Variants in OR4K1 observed in about 807,000 individuals in gnomAD.
OR4K1 encodes the protein olfactory receptor family 4 subfamily K member 1, also known as olfactory receptor 4K1.
Under a neutral mutation model 14.4 loss-of-function variants are expected in OR4K1, and 16 were observed. The ratio of observed to expected loss-of-function variants is 1.11; its 90% CI spans 0.75 to 1.68. The LOEUF (loss-of-function observed/expected upper bound fraction) is 1.68. Ranked by LOEUF, OR4K1 falls within the 40% of genes most tolerant of loss-of-function variation. OR4K1 has a pLI of 0.00. For synonymous variants in OR4K1, 181 were observed against 133.1 expected (o/e 1.36, Z -2.48); for missense variants, 548 against 376.9 (o/e 1.45, Z -3.76).
At chr14:19,924,697 A>C in the OR4K1 span, among the ~76,000 whole-genome samples, 1 of 152,232 alleles carries the variant, frequency 6.6e-6, no homozygotes, top group Non-Finnish European at 1.5e-5. Flanking sequence ...ATTACTGGTT[A>C]TATACCCAAA....
chr14:19,934,932 C>T (rs532930416), intron 1 of OR4K1, among the ~76,000 whole-genome samples: 202 of 152,288 alleles, frequency 1.3e-3, no homozygotes, highest in Non-Finnish European at 2.4e-3. Flanking sequence ...CTTGGCCTCT[C>T]AAAGTGCTGG....
upstream of OR4K1, among the ~76,000 whole-genome samples, chr14:19,929,359 CTGTG>C (rs59130422): frequency 0.088 from 12,652 of 143,478 alleles, 104 homozygotes; most frequent in Middle Eastern, 0.13. Context: ...ATATCACACT[CTGTG>C]TGTGTGTGTG....
upstream of OR4K1, among the ~76,000 whole-genome samples, chr14:19,928,260 G>A (rs1238904352): frequency 6.6e-6 from 1 of 152,104 alleles, no homozygotes; most frequent in Non-Finnish European, 1.5e-5. Context: ...AACAATTCTA[G>A]GATTTACTAT....
intron 1 of OR4K1, among the ~76,000 whole-genome samples, chr14:19,935,076 C>T (rs545527121): frequency 4.6e-5 from 7 of 152,328 alleles, no homozygotes; most frequent in African/African-American, 1.7e-4. Flanking sequence ...CCTGATCTAC[C>T]ATTCGTTAAT....
chr14:19,921,024 A>G, the OR4K1 span: 2 of 1,614,078 alleles, frequency 1.2e-6, no homozygotes, highest in East Asian at 2.2e-5. Flanking sequence ...GAGCCGAAGG[A>G]CATGCACTGT....
chr14:19,936,321 A>G lies in OR4K1; in HGVS notation c.655A>G (p.Thr219Ala). 1 of 1,614,244 alleles carries G rather than the reference A, an allele frequency of 6.2e-7. No individual in the cohort carries two copies. The highest frequency in any genetic ancestry group is 8.5e-7 in the Non-Finnish European group (1 of 1,180,044). Reference protein sequence around the residue: ...SCFLALIISYTIILIGVRCRS... With the variant: ...SCFLALIISYAIILIGVRCRS... ...TTTCCTGGCTTTAATTATTTCCTAC[A>G]CCATCATTTTGATCGGTGTCCGATG... Residue 219 changes from threonine to alanine, a missense_variant, in exon 2 of 2, where the codon ACC becomes GCC. Physicochemically the swap from Thr to Ala is moderately conservative, Grantham distance 58. Transcript: ENST00000641172.
upstream of OR4K1, among the ~76,000 whole-genome samples, chr14:19,927,217 G>A (rs2318496): frequency 0.064 from 9,682 of 151,398 alleles, 539 homozygotes; most frequent in East Asian, 0.47. Context: ...GAGTTTCTAC[G>A]GATGACTTCA....
intron 1 of OR4K1, among the ~76,000 whole-genome samples, chr14:19,934,151 T>C (rs1882250402): frequency 6.6e-6 from 1 of 152,218 alleles, no homozygotes. Context: ...CTTCAGTTAG[T>C]ATAAGGACAA....
chr14:19,922,079 A>G, the OR4K1 span, among the ~76,000 whole-genome samples: 2 of 148,232 alleles, frequency 1.3e-5, no homozygotes, highest in African/African-American at 2.5e-5. Context: ...TCCCCCCCCC[A>G]AAAATCAATT....
At chr14:19,923,753 A>T in the OR4K1 span, among the ~76,000 whole-genome samples, 1 of 152,368 alleles carries the variant, frequency 6.6e-6, no homozygotes, top group South Asian at 2.1e-4. Context: ...ATAAGTGAAG[A>T]TAGACACTAT....
At chr14:19,929,434 G>A (rs1197748831), upstream of OR4K1, among the ~76,000 whole-genome samples, 10 of 151,252 alleles carry the variant, frequency 6.6e-5, no homozygotes, top group Admixed American at 6.6e-4. Flanking sequence ...GAGAGACAGA[G>A]ACAGAGAGCA....
the OR4K1 span, chr14:19,921,345 G>A: frequency 3.7e-6 from 6 of 1,614,150 alleles, no homozygotes; most frequent in Middle Eastern, 3.3e-4. Flanking sequence ...TATTGCAGTA[G>A]TAATATTATT....
chr14:19,935,885 G>C lies in OR4K1; in HGVS notation c.219G>C (p.Gln73His). 6.2e-7 allele frequency: 1 copy of C among 1,614,246 alleles called. No individual in the cohort carries two copies. The highest frequency in any genetic ancestry group is 8.5e-7 in the Non-Finnish European group (1 of 1,180,054). The change falls in exon 2 of 2, where the codon CAG (glutamine) becomes CAC (histidine). Residue 73 changes from glutamine (Q) to histidine (H), a missense_variant. By Grantham distance (24) the Gln-to-His change is conservative. Coordinates refer to ENST00000641172, the MANE Select transcript of OR4K1 (RefSeq NM_001004063.3). The stretch of plus-strand genomic sequence containing the variant: ...ATCTTTCTTTCATTGATATCTGTCA[G>C]TCTAACTTTGCCACCCCCAAGATGC... ...LSNLSFIDIC[Q>H]SNFATPKMLV...
chr14:19,930,156 T>C (rs1000853480), upstream of OR4K1, among the ~76,000 whole-genome samples: 8 of 152,230 alleles, frequency 5.3e-5, no homozygotes, highest in African/African-American at 1.7e-4. Context: ...CTTAGGTTTT[T>C]TCCAGTATCT....
At chr14:19,930,688 C>CT (rs1316059578), upstream of OR4K1, among the ~76,000 whole-genome samples, 1 of 152,204 alleles carries the variant, frequency 6.6e-6, no homozygotes, top group East Asian at 1.9e-4. Context: ...ATCAAGTAAT[C>CT]TTTTGCTTTC....
At chr14:19,925,117 T>C in the OR4K1 span, among the ~76,000 whole-genome samples, 1 of 152,180 alleles carries the variant, frequency 6.6e-6, no homozygotes, top group Non-Finnish European at 1.5e-5. Flanking sequence ...TGCTGACAAA[T>C]TGACAGAGAA....
chr14:19,927,565 CA>C (rs1210943142), upstream of OR4K1, among the ~76,000 whole-genome samples: 3 of 152,146 alleles, frequency 2.0e-5, no homozygotes, highest in Admixed American at 1.3e-4. Context: ...TATCAGGGAC[CA>C]AAAACATGGA....
At chr14:19,922,393 G>T in the OR4K1 span, among the ~76,000 whole-genome samples, 5 of 152,306 alleles carry the variant, frequency 3.3e-5, no homozygotes, top group Admixed American at 3.3e-4. Context: ...GCCAGCCTTG[G>T]CCTTAAATTC....
chr14:19,922,855 A>G, the OR4K1 span, among the ~76,000 whole-genome samples: 4 of 152,268 alleles, frequency 2.6e-5, no homozygotes, highest in South Asian at 2.1e-4. Flanking sequence ...TCATTTCAAG[A>G]GTGTTGTAAA....
Sources: allele counts gnomAD v4.1 joint callset (sites outside exome capture counted in the v4.1 genomes callset), GRCh38; gene constraint gnomAD v4.1.1; transcripts MANE v1.5; gene names NCBI Gene and HGNC (gene_info 2026-07-23, HGNC 2026-07-21).